The following LRRC37A2 variants were observed in gnomAD, a reference collection of about 807,000 sequenced individuals.
LRRC37A2 encodes the protein leucine rich repeat containing 37 member A2.
Under a neutral mutation model 68.8 loss-of-function variants are expected in LRRC37A2, and 9 were observed. The observed-to-expected ratio is 0.13, with a 90% CI of 0.08 to 0.23. The LOEUF is 0.23. Among genes scored for constraint, LRRC37A2 ranks in the 10% least tolerant of loss-of-function variants. The probability of loss-of-function intolerance (pLI) is 1.00; values close to 1 mark genes in which losing one functional copy is unlikely to be tolerated. For synonymous variants in LRRC37A2, 63 were observed against 367.6 expected, an observed-to-expected ratio of 0.17 and a Z score of 9.48; for missense variants, 168 against 950.4, an observed-to-expected ratio of 0.18 and a Z score of 10.82.
the LRRC37A2 span, chr17:46,936,239 A>G: frequency 8.1e-6 from 8 of 985,076 alleles, no homozygotes; most frequent in Non-Finnish European, 8.4e-6. Flanking sequence ...GAAAACTGCT[A>G]CTCTCCTTTT....
chr17:46,491,477 A>G, the LRRC37A2 span, among the ~76,000 whole-genome samples: 1 of 142,496 alleles, frequency 7.0e-6, no homozygotes, highest in Non-Finnish European at 1.5e-5. Flanking sequence ...TCATGTACAC[A>G]TCTGATTTTC....
chr17:46,709,274 A>C, the LRRC37A2 span, among the ~76,000 whole-genome samples: 1 of 152,160 alleles, frequency 6.6e-6, no homozygotes, highest in South Asian at 2.1e-4. Context: ...TTTAACAACA[A>C]GTAATTTGGC....
chr17:46,695,261 A>G, the LRRC37A2 span, among the ~76,000 whole-genome samples: 3 of 146,336 alleles, frequency 2.1e-5, no homozygotes, highest in South Asian at 6.7e-4. Context: ...AAAAAAAAAA[A>G]GTTGTAATAT....
chr17:46,725,248 C>A, the LRRC37A2 span, among the ~76,000 whole-genome samples: 1 of 152,164 alleles, frequency 6.6e-6, no homozygotes, highest in Non-Finnish European at 1.5e-5. Context: ...TTACTGAATT[C>A]TGTTCTGTGC....
the LRRC37A2 span, among the ~76,000 whole-genome samples, chr17:46,950,622 C>T: frequency 5.9e-5 from 9 of 152,228 alleles, no homozygotes; most frequent in East Asian, 1.5e-3. Context: ...GTGAACTTAG[C>T]GGGGGAGATG....
At chr17:46,531,961 A>G (rs1435157151) in intron 6 of LRRC37A2, among the ~76,000 whole-genome samples, 2 of 145,652 alleles carry the variant, frequency 1.4e-5, no homozygotes, top group Non-Finnish European at 1.5e-5. Context: ...GGTATTTGAC[A>G]TATTTTGCAT....
the LRRC37A2 span, among the ~76,000 whole-genome samples, chr17:46,862,463 A>G: frequency 2.0e-5 from 3 of 152,202 alleles, no homozygotes; most frequent in Non-Finnish European, 4.4e-5. Flanking sequence ...ATTGTTAAAA[A>G]AACTTGTAGT....
At chr17:46,818,782 G>C in the LRRC37A2 span, 2 of 653,080 alleles carry the variant, frequency 3.1e-6, no homozygotes, top group Non-Finnish European at 5.4e-6. Context: ...GGATGTCAGC[G>C]AGCAGCCAAT....
the LRRC37A2 span, chr17:46,713,082 G>A: frequency 6.6e-6 from 1 of 152,270 alleles, no homozygotes; most frequent in Non-Finnish European, 1.5e-5. Flanking sequence ...ACATAGGCAA[G>A]TTCCATTTTG....
chr17:46,774,019 T>C, the LRRC37A2 span: 4 of 1,460,928 alleles, frequency 2.7e-6, no homozygotes, highest in Non-Finnish European at 3.7e-6. Context: ...GCAGAGGGCC[T>C]GTGCCCTGGC....
the LRRC37A2 span, chr17:47,019,501 A>G: frequency 0.11 from 169,022 of 1,555,428 alleles, 10,176 homozygotes; most frequent in South Asian, 0.19. Context: ...ACAGCCCTGG[A>G]GAAGACTACA....
At chr17:46,553,490 A>G in intron 12 of LRRC37A2, 41 bp downstream of exon 11, 1 of 1,607,258 alleles carries the variant, frequency 6.2e-7, no homozygotes, top group South Asian at 1.1e-5. Flanking sequence ...TTCTCTTTTG[A>G]GACGGAGTTT....
At chr17:46,868,587 C>A in the LRRC37A2 span, among the ~76,000 whole-genome samples, 8 of 151,086 alleles carry the variant, frequency 5.3e-5, no homozygotes, top group African/African-American at 2.0e-4. Flanking sequence ...TGGAGTGAGA[C>A]TCGATTAAAA....
the LRRC37A2 span, chr17:46,936,639 G>GAATA: frequency 1.0e-6 from 1 of 985,298 alleles, no homozygotes; most frequent in Non-Finnish European, 1.2e-6. Flanking sequence ...GGCTGAAAAT[G>GAATA]AATACATTTT....
At chr17:46,847,890 G>A in the LRRC37A2 span, among the ~76,000 whole-genome samples, 7 of 152,078 alleles carry the variant, frequency 4.6e-5, no homozygotes, top group African/African-American at 1.7e-4. Context: ...AGGAAGGAGA[G>A]GTCTGCAGAC....
chr17:46,847,035 C>T, the LRRC37A2 span, among the ~76,000 whole-genome samples: 1 of 152,224 alleles, frequency 6.6e-6, no homozygotes, highest in South Asian at 2.1e-4. Context: ...TTTCTCCTCC[C>T]CACTTTCAGT....
the LRRC37A2 span, among the ~76,000 whole-genome samples, chr17:46,871,631 G>A: frequency 0.043 from 6,562 of 152,256 alleles, 508 homozygotes; most frequent in African/African-American, 0.15. Context: ...CTAGGAGGTA[G>A]AGAAGATCAC....
At chr17:46,900,261 A>T in the LRRC37A2 span, among the ~76,000 whole-genome samples, 36 of 147,370 alleles carry the variant, frequency 2.4e-4, no homozygotes, top group East Asian at 3.0e-3. Flanking sequence ...GTATATATAT[A>T]TTTTTTTGAG....
chr17:46,927,723 T>A, the LRRC37A2 span, among the ~76,000 whole-genome samples: 266 of 152,324 alleles, frequency 1.7e-3, 3 homozygotes, highest in Non-Finnish European at 2.5e-3. Flanking sequence ...TTTCCTTGTC[T>A]GTCTGCACCT....
Sources: gnomAD v4.1 joint callset for allele counts (sites outside exome capture counted in the v4.1 genomes callset) on GRCh38, gnomAD v4.1.1 for gene constraint, MANE v1.5 for transcripts, NCBI Gene and HGNC (gene_info 2026-07-23, HGNC 2026-07-21) for gene names.